COL22A1: variants seen among roughly 807,000 people sequenced by gnomAD.
The protein encoded by COL22A1 is collagen type XXII alpha 1 chain.
Under a neutral mutation model 248.9 loss-of-function variants are expected in COL22A1, and 221 were observed. The observed-to-expected ratio is 0.89, with a 90% CI of 0.80 to 0.99. The LOEUF (loss-of-function observed/expected upper bound fraction) is 0.99. Ranked by LOEUF, COL22A1 falls within the 50% of genes least tolerant of loss-of-function variation. The pLI, the probability that COL22A1 is intolerant of heterozygous loss-of-function variation, is 0.00. For missense variants in COL22A1, 2,240 were observed against 2,179.0 expected, an observed-to-expected ratio of 1.03 and a Z score of -0.56; for synonymous variants, 891 against 793.4, an observed-to-expected ratio of 1.12 and a Z score of -2.07.
At chr8:138,839,633 A>AG (rs1230981540) in intron 4 of COL22A1, among the ~76,000 whole-genome samples, 1 of 152,052 alleles carries the variant, frequency 6.6e-6, no homozygotes, top group African/African-American at 2.4e-5. Flanking sequence ...AGGGCAGGTG[A>AG]GGAGGGAGGG....
chr8:138,662,486 G>A (rs73445496), intron 42 of COL22A1, among the ~76,000 whole-genome samples: 11,505 of 152,130 alleles, frequency 0.076, 467 homozygotes, highest in African/African-American at 0.08. Flanking sequence ...GCAAGACCCA[G>A]CACAACACTC....
chr8:138,880,678 G>A (rs1824134830), intron 2 of COL22A1, among the ~76,000 whole-genome samples: 1 of 152,136 alleles, frequency 6.6e-6, no homozygotes, highest in African/African-American at 2.4e-5. Context: ...ATCCCTAACA[G>A]GATTAGAACT....
chr8:138,591,390 C>T, intron 64 of COL22A1, 34 bp downstream of exon 64: 1 of 1,506,226 alleles, frequency 6.6e-7, no homozygotes, highest in Non-Finnish European at 9.0e-7. Context: ...GGGTAGCTCA[C>T]ACCCTACCCC....
chr8:138,650,362 T>C (rs1006647431), intron 45 of COL22A1, among the ~76,000 whole-genome samples: 1 of 152,216 alleles, frequency 6.6e-6, no homozygotes, highest in Non-Finnish European at 1.5e-5. Context: ...ACTTAATCAA[T>C]GTTCCCTGGA....
At chr8:138,598,594 G>C (rs936088713) in intron 61 of COL22A1, 125 bp downstream of exon 61, 2 of 912,672 alleles carry the variant, frequency 2.2e-6, no homozygotes, top group African/African-American at 1.7e-5. Flanking sequence ...GCCTGCCCCA[G>C]GTCATACCTT....
chr8:138,684,932 G>A (rs1306489591), intron 38 of COL22A1, among the ~76,000 whole-genome samples: 1 of 152,176 alleles, frequency 6.6e-6, no homozygotes, highest in Non-Finnish European at 1.5e-5. Flanking sequence ...GAGCTGTGGG[G>A]ATGTGTTTGC....
chr8:138,601,881 G>GA (rs1193063237), intron 60 of COL22A1, among the ~76,000 whole-genome samples: 2 of 151,722 alleles, frequency 1.3e-5, no homozygotes, highest in African/African-American at 2.4e-5. Flanking sequence ...TAACCAAAAA[G>GA]AAAAAAAGGA....
intron 3 of COL22A1, among the ~76,000 whole-genome samples, chr8:138,863,881 G>A (rs1016250745): frequency 7.9e-5 from 12 of 151,584 alleles, no homozygotes; most frequent in South Asian, 2.1e-4. Context: ...ATTTCTGCCC[G>A]AATCCACACA....
intron 36 of COL22A1, 106 bp downstream of exon 36, chr8:138,690,715 G>A: frequency 1.2e-6 from 1 of 835,960 alleles, no homozygotes. Context: ...ATGGGAGTAA[G>A]GATCCTCCCC....
intron 56 of COL22A1, among the ~76,000 whole-genome samples, chr8:138,613,220 C>G (rs1819033644): frequency 6.7e-6 from 1 of 149,506 alleles, no homozygotes; most frequent in African/African-American, 2.5e-5. Flanking sequence ...TGCACTGCAG[C>G]CTGGGTGACA....
In COL22A1 at chr8:138,690,931, C is replaced by T; in HGVS notation, c.2755-57G>A. ...ACGCATTGATTAGAAGTAGTTGCCCCCACTCTCTCTGCAAATCTGCCTCAT... is the reference window on the plus strand; with the variant it reads ...ACGCATTGATTAGAAGTAGTTGCCCTCACTCTCTCTGCAAATCTGCCTCAT... On this transcript the variant is annotated intron_variant, in intron 35 of 64. Transcript: ENST00000303045. 4 of 1,416,510 alleles carry T rather than the reference C, an allele frequency of 2.8e-6. No homozygotes were observed. The South Asian group carries it at 5.2e-5, about 18-fold the overall frequency. The allele number at this position is 1,416,510 out of a possible 1,614,324, so 87.7% of individuals were successfully genotyped here. A position where few individuals can be genotyped will look rare whatever the true frequency, so the allele number is the denominator to read the frequency against.
intron 23 of COL22A1, among the ~76,000 whole-genome samples, chr8:138,729,719 T>A (rs1240806648): frequency 6.6e-6 from 1 of 152,164 alleles, no homozygotes; most frequent in African/African-American, 2.4e-5. Flanking sequence ...GGAACAGCCC[T>A]CAGGATCCAG....
intron 41 of COL22A1, among the ~76,000 whole-genome samples, chr8:138,668,767 G>A (rs1824743109): frequency 6.6e-6 from 1 of 152,252 alleles, no homozygotes. Flanking sequence ...GCCCACTTAT[G>A]TGAAGCACTC....
At chr8:138,715,605 T>A in intron 30 of COL22A1, 77 bp downstream of exon 30, 1 of 936,872 alleles carries the variant, frequency 1.1e-6, no homozygotes, top group Non-Finnish European at 1.7e-6. Context: ...TAGAGTATAT[T>A]CTGCAGAAAA....
intron 1 of COL22A1, among the ~76,000 whole-genome samples, chr8:138,897,817 G>A (rs974145387): frequency 1.3e-5 from 2 of 151,746 alleles, no homozygotes; most frequent in African/African-American, 4.8e-5. Context: ...AAAAACGGCT[G>A]AACTAGAGAT....
chr8:138,762,451 C>G lies in COL22A1; in HGVS notation c.1819G>C (p.Asp607His), dbSNP rs377702025. The change falls in exon 17 of 65, where the codon GAT (aspartate) becomes CAT (histidine). Residue 607 changes from aspartate to histidine, a missense_variant. Coordinates refer to ENST00000303045, the MANE Select transcript of COL22A1 (RefSeq NM_152888.3). ...TRGEKGERGL[D>H]GFPGKPGDTG... The stretch of plus-strand genomic sequence containing the variant: ...TCCCCAGGCTTCCCAGGGAATCCAT[C>G]CAGGCCTCGCTCTCCCTGGCAAAAG... 2 of 1,614,012 alleles carry G rather than the reference C, an allele frequency of 1.2e-6. No homozygotes were observed. Among genetic ancestry groups the G allele is most frequent in the African/African-American group, 2.7e-5 (2 of 74,926 alleles).
In COL22A1 at chr8:138,908,298, T is replaced by C. The variant is rs370378815; in HGVS notation, c.-73+5321A>G. Among the ~76,000 whole-genome samples the C allele has an allele frequency of 1.2e-4, 18 of 152,338 alleles. No homozygotes were observed. In the East Asian group the frequency reaches 3.1e-3, roughly 26 times the overall value. On this transcript the variant is annotated intron_variant, in intron 1 of 64. Coordinates refer to ENST00000303045, the MANE Select transcript of COL22A1 (RefSeq NM_152888.3). Reference sequence around the variant, plus strand: ...ATGTAGATGTTTGGATATACATCAGTTGTGAAAGAATATTAGCCAGAATGT... The same window carrying C: ...ATGTAGATGTTTGGATATACATCAGCTGTGAAAGAATATTAGCCAGAATGT...
intron 10 of COL22A1, among the ~76,000 whole-genome samples, chr8:138,804,690 G>T (rs757116274): frequency 2.6e-5 from 4 of 152,150 alleles, no homozygotes; most frequent in Non-Finnish European, 1.5e-5. Context: ...GAGCTGAGGG[G>T]GCAGCGGGTG....
intron 3 of COL22A1, among the ~76,000 whole-genome samples, chr8:138,860,366 G>T (rs771721971): frequency 6.6e-6 from 1 of 152,206 alleles, no homozygotes; most frequent in African/African-American, 2.4e-5. Context: ...ACTCCAGGTG[G>T]TCACCCTGAC....
Sources: allele counts gnomAD v4.1 joint callset (sites outside exome capture counted in the v4.1 genomes callset), GRCh38; gene constraint gnomAD v4.1.1; transcripts MANE v1.5; gene names NCBI Gene and HGNC (gene_info 2026-07-23, HGNC 2026-07-21).